Variants in SHB observed in about 807,000 individuals in gnomAD.
SHB encodes the protein SH2 domain-containing adapter protein B.
In SHB, 20 loss-of-function variants were observed where a neutral mutation model predicts 52.3. That is an observed-to-expected ratio of 0.38 (90% CI 0.27 to 0.56). The LOEUF is 0.56. Ranked by LOEUF, SHB falls within the 20% of genes least tolerant of loss-of-function variation. SHB has a pLI of 0.71. For synonymous variants in SHB, 397 were observed against 316.5 expected, an observed-to-expected ratio of 1.25 and a Z score of -2.70; for missense variants, 825 against 723.3, an observed-to-expected ratio of 1.14 and a Z score of -1.61.
chr9:37,916,901 G>T lies in SHB; in HGVS notation c.*2920C>A, dbSNP rs1832106527. On this transcript the variant is annotated 3_prime_UTR_variant, in exon 6 of 6. Transcript: ENST00000377707. ...GGTCAATAATAAAGCCAGCAAAGAA[G>T]GGAGACACAGAAACAGCCGCTAGTG... 6.6e-6 allele frequency among the ~76,000 whole-genome samples: 1 copy of T among 152,176 alleles called. No homozygotes were observed. The highest frequency in any genetic ancestry group is 2.1e-4 in the South Asian group (1 of 4,826).
chr9:38,042,699 C>T (rs1470407061), intron 1 of SHB, among the ~76,000 whole-genome samples: 2 of 152,346 alleles, frequency 1.3e-5, no homozygotes, highest in East Asian at 1.9e-4. Flanking sequence ...GCCAAGAAAG[C>T]AGCAGCCACA....
intron 1 of SHB, among the ~76,000 whole-genome samples, chr9:38,027,246 A>G (rs894378996): frequency 2.0e-5 from 3 of 152,196 alleles, no homozygotes; most frequent in East Asian, 1.9e-4. Flanking sequence ...CTGAGCTCCA[A>G]TGCTTCCAAA....
intron 5 of SHB, among the ~76,000 whole-genome samples, chr9:37,946,779 G>A (rs2117885590): frequency 6.6e-6 from 1 of 152,328 alleles, no homozygotes; most frequent in Admixed American, 6.5e-5. Context: ...GATTCCAGGA[G>A]GAATGAGGTT....
intron 2 of SHB, among the ~76,000 whole-genome samples, chr9:38,005,614 C>T (rs977983730): frequency 6.6e-6 from 1 of 152,196 alleles, no homozygotes; most frequent in Non-Finnish European, 1.5e-5. Flanking sequence ...ATCTCATCTG[C>T]TTCCTCTCGG....
intron 2 of SHB, among the ~76,000 whole-genome samples, chr9:37,990,981 T>A (rs1240772689): frequency 6.6e-6 from 1 of 152,204 alleles, no homozygotes; most frequent in African/African-American, 2.4e-5. Flanking sequence ...TTATTAACAA[T>A]CCTTGTCTCG....
intron 1 of SHB, among the ~76,000 whole-genome samples, chr9:38,035,270 A>G (rs1821469586): frequency 1.3e-5 from 2 of 151,912 alleles, no homozygotes; most frequent in African/African-American, 4.8e-5. Flanking sequence ...AGAGCTATTC[A>G]AAGTATAACA....
At chr9:38,029,580 C>T (rs1360333580) in intron 1 of SHB, among the ~76,000 whole-genome samples, 1 of 147,050 alleles carries the variant, frequency 6.8e-6, no homozygotes, top group South Asian at 2.1e-4. Context: ...CAACCTCCAT[C>T]CCCTGGTTCA....
intron 1 of SHB, among the ~76,000 whole-genome samples, chr9:38,063,403 A>T (rs1455485363): frequency 6.6e-6 from 1 of 152,088 alleles, no homozygotes; most frequent in Non-Finnish European, 1.5e-5. Flanking sequence ...GTCTCCCACC[A>T]CACCTGCCCT....
At chr9:37,946,119 G>A (rs1444035932) in intron 5 of SHB, among the ~76,000 whole-genome samples, 1 of 152,214 alleles carries the variant, frequency 6.6e-6, no homozygotes, top group African/African-American at 2.4e-5. Flanking sequence ...GTGCACAGAT[G>A]AGGACACTGA....
At chr9:38,038,528 G>A (rs1222571509) in intron 1 of SHB, among the ~76,000 whole-genome samples, 2 of 152,222 alleles carry the variant, frequency 1.3e-5, no homozygotes, top group Admixed American at 1.3e-4. Context: ...CTGGCACACA[G>A]TAAGGTACTG....
At chr9:38,036,188 A>G (rs1371800080) in intron 1 of SHB, among the ~76,000 whole-genome samples, 1 of 151,900 alleles carries the variant, frequency 6.6e-6, no homozygotes, top group Non-Finnish European at 1.5e-5. Flanking sequence ...TAAGGTGAAG[A>G]CCCCAGAGAA....
chr9:37,955,543 T>C (rs1349366844), intron 4 of SHB, among the ~76,000 whole-genome samples: 1 of 152,158 alleles, frequency 6.6e-6, no homozygotes, highest in African/African-American at 2.4e-5. Flanking sequence ...AGTAGTGTGA[T>C]CACAGCTCAA....
intron 5 of SHB, among the ~76,000 whole-genome samples, chr9:37,946,766 G>A (rs1030031938): frequency 3.3e-5 from 5 of 152,190 alleles, no homozygotes; most frequent in African/African-American, 7.2e-5. Flanking sequence ...CCCCAGCCAC[G>A]GGGATTCCAG....
Position 37,919,844 on chromosome 9 carries a change from G to GA in SHB, c.1506dup (p.Pro503SerfsTer91), listed in dbSNP as rs1832154938. ...GCTCACAGGGTCCTCACAGCCACGGGATAGAGGAGGGACAAGTGCTCAGCC... is the reference window on the plus strand; with the variant it reads ...GCTCACAGGGTCCTCACAGCCACGGGAATAGAGGAGGGACAAGTGCTCAGCC... On this transcript the variant is annotated frameshift_variant, in exon 6 of 6. Transcript: ENST00000377707. LOFTEE classifies it high-confidence loss of function. 1 of 1,613,770 alleles carries GA rather than the reference G, an allele frequency of 6.2e-7. No homozygotes were observed. The highest frequency in any genetic ancestry group is 8.5e-7 in the Non-Finnish European group (1 of 1,179,980).
intron 4 of SHB, among the ~76,000 whole-genome samples, chr9:37,951,774 G>C (rs1399155679): frequency 1.3e-5 from 2 of 152,238 alleles, no homozygotes; most frequent in Non-Finnish European, 2.9e-5. Flanking sequence ...TCAAGGGCAG[G>C]GGACAAGGGG....
intron 5 of SHB, among the ~76,000 whole-genome samples, chr9:37,945,379 A>G (rs1240123038): frequency 6.6e-6 from 1 of 152,206 alleles, no homozygotes; most frequent in African/African-American, 2.4e-5. Flanking sequence ...GATTCATTCC[A>G]GGGCATTGCT....
In SHB at chr9:38,046,896, G is replaced by T. The variant is rs73439924; in HGVS notation, c.717+21033C>A. Among the ~76,000 whole-genome samples the T allele has an allele frequency of 3.7e-3, 570 of 152,354 alleles. 2 individuals are homozygous for T. The highest frequency in any genetic ancestry group is 0.013 in the African/African-American group (535 of 41,582). ...AGGAACCTGCGGTCTGGAGAGGGCT[G>T]TTAAGGGCTGTCCTGGGAAGTTTTT... On this transcript the variant is annotated intron_variant, in intron 1 of 5. Transcript: ENST00000377707.
chr9:38,015,840 T>C (rs1368918947), intron 2 of SHB, among the ~76,000 whole-genome samples, 171 bp downstream of exon 2: 1 of 152,196 alleles, frequency 6.6e-6, no homozygotes, highest in Non-Finnish European at 1.5e-5. Flanking sequence ...AGGTGAAACA[T>C]AAGCAGGTAA....
intron 5 of SHB, among the ~76,000 whole-genome samples, chr9:37,935,184 G>T (rs766495764): frequency 6.6e-6 from 1 of 152,218 alleles, no homozygotes; most frequent in Non-Finnish European, 1.5e-5. Context: ...TGTTGCCTCA[G>T]TCATCTTACC....
Sources: gnomAD v4.1 joint callset for allele counts (sites outside exome capture counted in the v4.1 genomes callset) on GRCh38, gnomAD v4.1.1 for gene constraint, MANE v1.5 for transcripts, NCBI Gene and HGNC (gene_info 2026-07-23, HGNC 2026-07-21) for gene names.